The following ERBIN variants were observed in gnomAD, a reference collection of about 807,000 sequenced individuals.
ERBIN encodes the protein erbb2 interacting protein, also known as densin-180-like protein.
Under a neutral mutation model 158.4 loss-of-function variants are expected in ERBIN, and 60 were observed. The observed-to-expected ratio is 0.38, with a 90% confidence interval of 0.31 to 0.47. The LOEUF (loss-of-function observed/expected upper bound fraction) is 0.47, where lower values mean the gene tolerates loss of function less well. Ranked by LOEUF, ERBIN falls within the 20% of genes least tolerant of loss-of-function variation. The probability of loss-of-function intolerance (pLI) is 0.99; values close to 1 mark genes in which losing one functional copy is unlikely to be tolerated. For synonymous variants in ERBIN, 594 were observed against 557.2 expected (o/e 1.07, Z -0.93); for missense variants, 1,610 against 1,648.0 (o/e 0.98, Z 0.40).
Position 65,980,438 on chromosome 5 carries a change from AAAAC to A in ERBIN, c.-57-8193_-57-8190del, listed in dbSNP as rs548333457. Among the ~76,000 whole-genome samples the A allele has an allele frequency of 1.2e-3, 177 of 152,306 alleles. 2 individuals carry two copies. The highest frequency in any genetic ancestry group is 4.2e-3 in the African/African-American group (175 of 41,556). ...GCAAGACTCCGTCTCAAAAAAAACA[AAAAC>A]AAAGCAAAAATAAATAATAATGTGA... On this transcript the variant is annotated intron_variant, in intron 1 of 25. Transcript: ENST00000284037.
At chr5:65,942,493 A>G (rs1245864970) in intron 1 of ERBIN, among the ~76,000 whole-genome samples, 1 of 152,252 alleles carries the variant, frequency 6.6e-6, no homozygotes. Context: ...GTTATAGATG[A>G]TTATTTTTTT....
chr5:66,046,616 A>T, intron 18 of ERBIN, 78 bp downstream of exon 18: 2 of 1,181,550 alleles, frequency 1.7e-6, no homozygotes, highest in South Asian at 2.1e-5. Context: ...TAAAGACCTG[A>T]TACTGATTGT....
chr5:66,019,007 A>G (rs759118795), intron 7 of ERBIN, among the ~76,000 whole-genome samples: 6 of 152,154 alleles, frequency 3.9e-5, no homozygotes, highest in African/African-American at 7.2e-5. Flanking sequence ...TGCTGTTGGC[A>G]TATGTAAATC....
chr5:66,006,364 CT>C (rs1378230307), intron 4 of ERBIN, among the ~76,000 whole-genome samples: 1 of 152,170 alleles, frequency 6.6e-6, no homozygotes, highest in Non-Finnish European at 1.5e-5. Context: ...AACTGGATCC[CT>C]TCCTTACACC....
At chr5:66,020,007 G>A (rs1215088249) in intron 7 of ERBIN, among the ~76,000 whole-genome samples, 2 of 152,074 alleles carry the variant, frequency 1.3e-5, no homozygotes, top group African/African-American at 4.8e-5. Context: ...GAGAAAGATC[G>A]TGGAAGCAAC....
At chr5:66,023,220 T>G (rs940936489) in intron 8 of ERBIN, 70 bp from the exon 9 acceptor site, 30 of 1,112,080 alleles carry the variant, frequency 2.7e-5, no homozygotes, top group African/African-American at 1.7e-4. Flanking sequence ...TCCCAGGGCT[T>G]CTTTTGCCAG....
intron 21 of ERBIN, among the ~76,000 whole-genome samples, chr5:66,065,622 TGTGTGTGTGTGTGTGTG>T (rs1323287158): frequency 7.0e-6 from 1 of 141,898 alleles, no homozygotes; most frequent in East Asian, 2.0e-4. Context: ...TGTGTGTGTG[TGTGTGTGTGTGTGTGTG>T]TGTGTGTGTG....
At chr5:65,935,667 G>A (rs1467167985) in intron 1 of ERBIN, among the ~76,000 whole-genome samples, 3 of 152,196 alleles carry the variant, frequency 2.0e-5, no homozygotes, top group African/African-American at 7.2e-5. Flanking sequence ...CAAGTTATTT[G>A]TGGAGATAAT....
intron 20 of ERBIN, 55 bp downstream of exon 20, chr5:66,051,021 G>A: frequency 8.5e-7 from 1 of 1,182,088 alleles, no homozygotes; most frequent in Non-Finnish European, 1.2e-6. Context: ...AAGTAGTAAG[G>A]CAGATAACAA....
intron 14 of ERBIN, among the ~76,000 whole-genome samples, chr5:66,032,231 TA>T (rs1196320126): frequency 2.6e-5 from 4 of 152,202 alleles, no homozygotes; most frequent in South Asian, 2.1e-4. Flanking sequence ...GAGGAACCTG[TA>T]TTATATCTCA....
chr5:65,956,279 T>C (rs1373332538), intron 1 of ERBIN, among the ~76,000 whole-genome samples: 1 of 152,160 alleles, frequency 6.6e-6, no homozygotes, highest in African/African-American at 2.4e-5. Context: ...GTGATGTTTT[T>C]TAAATGCCCA....
chr5:66,072,595 GT>G (rs1761626648), intron 22 of ERBIN, among the ~76,000 whole-genome samples: 1 of 152,100 alleles, frequency 6.6e-6, no homozygotes, highest in East Asian at 1.9e-4. Flanking sequence ...ATTCCTGATA[GT>G]AAAACTATTT....
At chr5:65,968,380 G>A (rs16894624) in intron 1 of ERBIN, among the ~76,000 whole-genome samples, 6,449 of 152,168 alleles carry the variant, frequency 0.042, 469 homozygotes, top group African/African-American at 0.15. Flanking sequence ...CCTTTCTTGT[G>A]TGGAAAATAT....
rs1580021699 is a variant in ERBIN, at chr5:65,926,604, T to A, written c.-260T>A. 6.6e-6 allele frequency: 1 copy of A among 150,418 alleles called. No individual in the cohort carries two copies. The highest frequency in any genetic ancestry group is 1.5e-5 in the Non-Finnish European group (1 of 67,688). The allele number at this position is 150,418 out of a possible 1,614,324, so 9.3% of individuals were successfully genotyped here. ...GAGATCCTCGTTGGGGCTGGGAAACTCCTGCAAAACTCGAGACCAGGAAGC... is the reference window on the plus strand; with the variant it reads ...GAGATCCTCGTTGGGGCTGGGAAACACCTGCAAAACTCGAGACCAGGAAGC... On this transcript the variant is annotated 5_prime_UTR_variant, in exon 1 of 26. Transcript: ENST00000284037.
intron 1 of ERBIN, among the ~76,000 whole-genome samples, chr5:65,932,548 C>G (rs1297315259): frequency 2.0e-5 from 3 of 152,120 alleles, no homozygotes; most frequent in Non-Finnish European, 4.4e-5. Context: ...TTGAAAGTGT[C>G]TCAGGGACTT....
rs558515253 is a variant in ERBIN, at chr5:66,030,858, A to G, written c.1206+2515A>G. 2.2e-3 allele frequency among the ~76,000 whole-genome samples: 333 copies of G among 152,268 alleles called. 1 individual carries two copies. The highest frequency in any genetic ancestry group is 3.6e-3 in the Non-Finnish European group (244 of 68,030). On this transcript the variant is annotated intron_variant, in intron 14 of 25. Coordinates refer to ENST00000284037, the MANE Select transcript of ERBIN (RefSeq NM_001253697.2). Reference sequence around the variant, plus strand: ...AGTGCCGGGACTACAGGTGTTAACCACCATGCCTGGCCTGCAGTAGCACTT... The same window carrying G: ...AGTGCCGGGACTACAGGTGTTAACCGCCATGCCTGGCCTGCAGTAGCACTT...
At chr5:66,029,025 G>A (rs1756571078) in intron 14 of ERBIN, among the ~76,000 whole-genome samples, 1 of 152,048 alleles carries the variant, frequency 6.6e-6, no homozygotes, top group African/African-American at 2.4e-5. Context: ...ATGTGTATTT[G>A]TGTACACACA....
At position 66,050,226 on chromosome 5, in the gene ERBIN, C is replaced by CTTTTTTT. The variant is rs869119758; in HGVS notation, c.1904-527_1904-521dup. 2.0e-4 allele frequency among the ~76,000 whole-genome samples: 2 copies of CTTTTTTT among 9,760 alleles called. 1 individual carries two copies. Among genetic ancestry groups the CTTTTTTT allele is most frequent in the East Asian group, 2.4e-3 (2 of 820 alleles). 6.4% of individuals were successfully genotyped at this position (9,760 alleles called of 152,430 possible). On this transcript the variant is annotated intron_variant, in intron 19 of 25. Transcript: ENST00000284037. ...ACCTTGTCAGTAACTAAATCGAATT[C>CTTTTTTT]TTTTTTTTTTTTTTTTTTTTTTTTT... is the stretch of plus-strand genomic sequence containing the variant.
At chr5:65,942,591 TTAAAG>T (rs1745188980) in intron 1 of ERBIN, among the ~76,000 whole-genome samples, 1 of 152,222 alleles carries the variant, frequency 6.6e-6, no homozygotes, top group African/African-American at 2.4e-5. Context: ...AGATTTATCC[TTAAAG>T]TAGTGTGTAA....
Sources: allele counts gnomAD v4.1 joint callset (sites outside exome capture counted in the v4.1 genomes callset), GRCh38; gene constraint gnomAD v4.1.1; transcripts MANE v1.5; gene names NCBI Gene and HGNC (gene_info 2026-07-23, HGNC 2026-07-21).